SMIM36: variants seen among roughly 807,000 people sequenced by gnomAD.
SMIM36 encodes the protein small integral membrane protein 36.
At chr17:55,491,524 CA>C (rs1909706585) in intron 1 of SMIM36, among the ~76,000 whole-genome samples, 1 of 152,084 alleles carries the variant, frequency 6.6e-6, no homozygotes, top group African/African-American at 2.4e-5. Flanking sequence ...TTGGAAATGG[CA>C]ATGTAACTAA....
chr17:55,483,215 A>G (rs1909548227), intron 1 of SMIM36, among the ~76,000 whole-genome samples: 1 of 152,200 alleles, frequency 6.6e-6, no homozygotes, highest in South Asian at 2.1e-4. Flanking sequence ...TACAAATTCA[A>G]ATGTTTCTTG....
chr17:55,455,016 A>G (rs1220052948), intron 4 of SMIM36, among the ~76,000 whole-genome samples: 17 of 152,208 alleles, frequency 1.1e-4, no homozygotes, highest in Non-Finnish European at 2.2e-4. Flanking sequence ...GTGCACATTC[A>G]TTATTGTTTA....
chr17:55,454,273 C>G (rs1285757786), intron 4 of SMIM36, among the ~76,000 whole-genome samples: 1 of 152,090 alleles, frequency 6.6e-6, no homozygotes, highest in Admixed American at 6.5e-5. Context: ...ACAAAACAAG[C>G]TTTCAAAATA....
intron 1 of SMIM36, among the ~76,000 whole-genome samples, chr17:55,485,871 A>C (rs1909596616): frequency 6.6e-6 from 1 of 152,134 alleles, no homozygotes; most frequent in Non-Finnish European, 1.5e-5. Flanking sequence ...CTAGAGTTTG[A>C]ACTAGGCAGT....
the SMIM36 span, among the ~76,000 whole-genome samples, chr17:55,531,650 A>G: frequency 6.6e-6 from 1 of 152,204 alleles, no homozygotes; most frequent in Non-Finnish European, 1.5e-5. Flanking sequence ...AAAAAGTCTT[A>G]AATTGTGTTT....
chr17:55,530,775 T>G, the SMIM36 span, among the ~76,000 whole-genome samples: 2 of 146,430 alleles, frequency 1.4e-5, no homozygotes, highest in Non-Finnish European at 2.9e-5. Context: ...AGAGCTAGAC[T>G]CCGCCTCAAA....
intron 3 of SMIM36, among the ~76,000 whole-genome samples, chr17:55,476,576 T>TTG (rs1909430839): frequency 6.6e-6 from 1 of 151,878 alleles, no homozygotes; most frequent in Admixed American, 6.6e-5. Flanking sequence ...TATTTTTTTT[T>TTG]TTTGTTTGTT....
rs1179896909 is a variant in SMIM36 at position 55,457,451 on chromosome 17, CAA to C, written c.*532-7155_*532-7154del. Among the ~76,000 whole-genome samples the C allele has an allele frequency of 3.5e-3, 215 of 61,650 alleles. 1 individual carries two copies. The highest frequency in any genetic ancestry group is 0.011 in the African/African-American group (197 of 18,586). The allele number at this position is 61,650 out of a possible 152,430, so 40.4% of individuals were successfully genotyped here. A position where few individuals can be genotyped will look rare whatever the true frequency, so the allele number is the denominator to read the frequency against. On this transcript the variant is annotated intron_variant, in intron 4 of 4. Coordinates refer to ENST00000636752, the Ensembl canonical transcript of SMIM36. ...GGGTGACAAGAGTGAAACTCCGTCT[CAA>C]AAAAAAAAAAAAAAAAAGAATAGAA...
intron 4 of SMIM36, among the ~76,000 whole-genome samples, chr17:55,453,107 C>A (rs1207568330): frequency 2.0e-5 from 3 of 152,038 alleles, no homozygotes; most frequent in African/African-American, 7.2e-5. Context: ...CCCAGGAGTT[C>A]AAGGCCAGCC....
chr17:55,481,161 C>A (rs1909514444), intron 1 of SMIM36, among the ~76,000 whole-genome samples: 1 of 151,834 alleles, frequency 6.6e-6, no homozygotes, highest in East Asian at 1.9e-4. Flanking sequence ...ACAGCCAGAC[C>A]AGATGGCACT....
At chr17:55,526,028 T>C in the SMIM36 span, among the ~76,000 whole-genome samples, 2 of 152,180 alleles carry the variant, frequency 1.3e-5, no homozygotes, top group African/African-American at 4.8e-5. Flanking sequence ...AGGAAACAAA[T>C]GTGGCCAACA....
chr17:55,492,266 CAG>C lies in SMIM36; in HGVS notation c.*175-12688_*175-12687del, dbSNP rs749728135. ...TCTTTTTTTTTTTTTTTTTTTGAGA[CAG>C]AGTCTTATTCTGTCACCAGGCTGGA... is the stretch of plus-strand genomic sequence containing the variant. On this transcript the variant is annotated intron_variant, in intron 1 of 4. Coordinates refer to ENST00000636752, the Ensembl canonical transcript of SMIM36. 9.3e-3 allele frequency among the ~76,000 whole-genome samples: 824 copies of C among 88,912 alleles called. 5 individuals are homozygous for C. In the Middle Eastern group the frequency reaches 0.096, roughly 10 times the overall value. The allele number at this position is 88,912 out of a possible 152,430, so 58.3% of individuals were successfully genotyped here. A position where few individuals can be genotyped will look rare whatever the true frequency, so the allele number is the denominator to read the frequency against.
rs369447604 is a variant in SMIM36, at chr17:55,454,478, C to T, written c.*532-4180G>A. Among the ~76,000 whole-genome samples, 9 of 152,188 alleles carry T rather than the reference C, an allele frequency of 5.9e-5. 1 individual carries two copies. The East Asian group carries it at 1.3e-3, about 23-fold the overall frequency. On this transcript the variant is annotated intron_variant, in intron 4 of 4. Coordinates refer to ENST00000636752, the Ensembl canonical transcript of SMIM36. ...TTGTTTTGCTTTTAAAAGGATCACA[C>T]GTTATTTTTTAAGACCTAGAAAACA... is the stretch of plus-strand genomic sequence containing the variant.
At chr17:55,454,332 C>T (rs1480228819) in intron 4 of SMIM36, among the ~76,000 whole-genome samples, 1 of 152,102 alleles carries the variant, frequency 6.6e-6, no homozygotes, top group East Asian at 1.9e-4. Context: ...TTTTGATGTG[C>T]ATTACAAAAG....
At chr17:55,458,789 C>T (rs9972940) in intron 4 of SMIM36, among the ~76,000 whole-genome samples, 258 of 152,226 alleles carry the variant, frequency 1.7e-3, no homozygotes, top group African/African-American at 6.0e-3. Context: ...GGCCCAACTG[C>T]AGGGGAAGAC....
In SMIM36 at chr17:55,474,571, G is replaced by A. The variant is rs184698916; in HGVS notation, c.*347+4191C>T. 4.6e-4 allele frequency among the ~76,000 whole-genome samples: 70 copies of A among 152,270 alleles called. No homozygotes were observed. In the South Asian group the frequency reaches 5.4e-3, roughly 12 times the overall value. On this transcript the variant is annotated intron_variant, in intron 3 of 4. Transcript: ENST00000636752. ...TGGCCTGATCACCCACGGCATGCCC[G>A]TATCGGCACTTTGGTTTTTGTTTTT...
intron 4 of SMIM36, chr17:55,458,107 A>C (rs1047065528): frequency 2.0e-5 from 3 of 152,170 alleles, no homozygotes; most frequent in Admixed American, 6.5e-5. Flanking sequence ...TGGGGGTATA[A>C]ATTCTGTATT....
chr17:55,452,687 C>T (rs1908941991), intron 4 of SMIM36, among the ~76,000 whole-genome samples: 1 of 152,192 alleles, frequency 6.6e-6, no homozygotes, highest in Admixed American at 6.5e-5. Context: ...CACATCCTGT[C>T]TCTGGGTGAC....
rs187631357 is a variant in SMIM36, at chr17:55,468,313, C to T, written c.*348-985G>A. 4.6e-5 allele frequency: 7 copies of T among 152,740 alleles called. No homozygotes were observed. The East Asian group carries it at 5.8e-4, about 13-fold the overall frequency. 9.5% of individuals were successfully genotyped at this position (152,740 alleles called of 1,614,324 possible). ...AAGGAACATCTCACTGATTTCAAAT[C>T]GGGTAAGCAGTCTCTTCATTCTCTT... is the stretch of plus-strand genomic sequence containing the variant. On this transcript the variant is annotated intron_variant, in intron 3 of 4. Coordinates refer to ENST00000636752, the Ensembl canonical transcript of SMIM36.
Sources: allele counts gnomAD v4.1 joint callset (sites outside exome capture counted in the v4.1 genomes callset), GRCh38; gene constraint gnomAD v4.1.1; transcripts MANE v1.5; gene names NCBI Gene and HGNC (gene_info 2026-07-23, HGNC 2026-07-21).